The following FAM161B variants were observed in gnomAD, a reference collection of about 807,000 sequenced individuals.
FAM161B encodes the protein FAM161 centrosomal protein B.
A neutral mutation model predicts 61.5 loss-of-function variants in FAM161B; 46 were observed. The observed-to-expected ratio is 0.75, with a 90% confidence interval of 0.59 to 0.96. The LOEUF (loss-of-function observed/expected upper bound fraction) is 0.96. Ranked by LOEUF, FAM161B falls within the 40% of genes least tolerant of loss-of-function variation. The probability of loss-of-function intolerance (pLI) is 0.00; values close to 1 mark genes in which losing one functional copy is unlikely to be tolerated. For missense variants in FAM161B, 774 were observed against 800.7 expected (o/e 0.97, Z 0.40); for synonymous variants, 284 against 302.7 (o/e 0.94, Z 0.64).
chr14:73,931,783 T>G (rs2055920156), downstream of FAM161B: 2 of 520,660 alleles, frequency 3.8e-6, no homozygotes, highest in Non-Finnish European at 7.0e-6. Context: ...TACCTACCTC[T>G]CTTCCCACTG....
intron 8 of FAM161B, among the ~76,000 whole-genome samples, chr14:73,934,603 A>ATT (rs778237371): frequency 1.4e-5 from 2 of 141,334 alleles, no homozygotes. Context: ...CACCCAGCTA[A>ATT]TTTTTTTTTT....
chr14:73,925,313 T>G, the FAM161B span, among the ~76,000 whole-genome samples: 1 of 152,224 alleles, frequency 6.6e-6, no homozygotes, highest in Non-Finnish European at 1.5e-5. Context: ...TTTTTCTATT[T>G]TAAAGCTTTT....
At chr14:73,941,222 A>G (rs779520668) in intron 4 of FAM161B, among the ~76,000 whole-genome samples, 169 bp from the exon 5 acceptor site, 10 of 150,278 alleles carry the variant, frequency 6.7e-5, no homozygotes, top group Admixed American at 1.3e-4. Flanking sequence ...GGTTCAAGCA[A>G]TTCTCCTGCC....
chr14:73,923,578 G>A, the FAM161B span: 1 of 1,557,942 alleles, frequency 6.4e-7, no homozygotes, highest in Non-Finnish European at 8.7e-7. Context: ...GAATGATTGA[G>A]AATTTAGAGG....
chr14:73,947,643 C>T (rs1233976603), intron 1 of FAM161B, among the ~76,000 whole-genome samples: 1 of 152,074 alleles, frequency 6.6e-6, no homozygotes, highest in East Asian at 1.9e-4. Flanking sequence ...CTGTGAAAAC[C>T]ATAAACAACT....
At chr14:73,925,126 TGCCAGGAC>T in the FAM161B span, among the ~76,000 whole-genome samples, 1 of 127,200 alleles carries the variant, frequency 7.9e-6, no homozygotes, top group African/African-American at 2.7e-5. Flanking sequence ...TTAATGCTTT[TGCCAGGAC>T]TTTTCTTTTT....
chr14:73,949,059 C>T (rs12896694), intron 1 of FAM161B, among the ~76,000 whole-genome samples: 2,686 of 152,216 alleles, frequency 0.018, 81 homozygotes, highest in African/African-American at 0.061. Flanking sequence ...GCTAGGACTA[C>T]AGGCGCGCAC....
chr14:73,934,626 T>C (rs2140340971), intron 8 of FAM161B, among the ~76,000 whole-genome samples: 1 of 151,920 alleles, frequency 6.6e-6, no homozygotes, highest in Middle Eastern at 3.4e-3. Flanking sequence ...TTTTAACTTT[T>C]TGTAGAGACA....
downstream of FAM161B, among the ~76,000 whole-genome samples, chr14:73,928,872 C>G (rs1371520594): frequency 1.3e-5 from 2 of 152,054 alleles, no homozygotes; most frequent in Non-Finnish European, 2.9e-5. Flanking sequence ...CAACTTGAGC[C>G]CAGGAGTTCG....
rs565392148 is a variant in FAM161B at position 73,944,452 on chromosome 14, C to T, written c.808G>A (p.Glu270Lys). The T allele has an allele frequency of 8.1e-6, 13 of 1,613,732 alleles. No homozygotes were observed. Among genetic ancestry groups the T allele is most frequent in the South Asian group, 1.1e-5 (1 of 91,080 alleles). The change falls in exon 3 of 9, where the codon GAA (glutamate) becomes AAA (lysine). Residue 270 changes from glutamate to lysine, a missense_variant. By Grantham distance (56) the Glu-to-Lys change is moderately conservative (BLOSUM62 1). Coordinates refer to ENST00000286544, the MANE Select transcript of FAM161B (RefSeq NM_152445.3). ...SFLEKEEQLK[E>K]AARQRDLAAT... ...GCCAAGTCTCTCTGTCGAGCAGCTT[C>T]CTTTAGCTGCTCCTCCTTCTCCAGG... is the stretch of plus-strand genomic sequence containing the variant.
chr14:73,949,390 T>C lies in FAM161B; in HGVS notation c.54+583A>G, dbSNP rs574009268. Among the ~76,000 whole-genome samples the C allele has an allele frequency of 1.1e-4, 16 of 152,102 alleles. No homozygotes were observed. The South Asian group carries it at 3.3e-3, about 32-fold the overall frequency. On this transcript the variant is annotated intron_variant, in intron 1 of 8. Coordinates refer to ENST00000286544, the MANE Select transcript of FAM161B (RefSeq NM_152445.3). ...GTAAGCCACCGCACCCGGCCAATTT[T>C]TGTATTTTTAGTAGAGACGGGGTTT...
At chr14:73,926,463 C>T in the FAM161B span, among the ~76,000 whole-genome samples, 1,691 of 152,026 alleles carry the variant, frequency 0.011, 27 homozygotes, top group African/African-American at 0.039. Context: ...GACTGAGTCT[C>T]ACTCTGTGGC....
chr14:73,950,077 G>T lies in FAM161B; in HGVS notation c.-51C>A. On this transcript the variant is annotated 5_prime_UTR_variant, in exon 1 of 9. Coordinates refer to ENST00000286544, the MANE Select transcript of FAM161B (RefSeq NM_152445.3). ...CAGTGACAGCGATAGTGGCAGCAGC[G>T]GTGGCAGCGAGAGCTATGCGGGGCC... The T allele has an allele frequency of 6.2e-7, 1 of 1,604,922 alleles. No individual in the cohort carries two copies.
At chr14:73,942,841 T>C in intron 3 of FAM161B, 126 bp from the exon 4 acceptor site, 2 of 763,256 alleles carry the variant, frequency 2.6e-6, no homozygotes, top group South Asian at 1.9e-5. Flanking sequence ...TTTTCAGGAA[T>C]TCTGACACGT....
At chr14:73,923,642 C>T in the FAM161B span, 36 of 1,340,690 alleles carry the variant, frequency 2.7e-5, no homozygotes, top group Non-Finnish European at 3.2e-5. Context: ...CGAATATTTT[C>T]CTTTAAATTA....
intron 1 of FAM161B, among the ~76,000 whole-genome samples, chr14:73,948,032 C>T (rs1164897585): frequency 5.9e-5 from 9 of 152,098 alleles, no homozygotes; most frequent in Non-Finnish European, 1.3e-4. Context: ...GGTGATGATC[C>T]TCCCACCTCA....
chr14:73,937,321 T>A (rs2055978094), intron 7 of FAM161B, among the ~76,000 whole-genome samples: 1 of 152,084 alleles, frequency 6.6e-6, no homozygotes, highest in Non-Finnish European at 1.5e-5. Flanking sequence ...GTCTCTGGGG[T>A]CTAATGCCCA....
At position 73,937,934 on chromosome 14, in the gene FAM161B, T is replaced by C. The variant is rs773295579; in HGVS notation, c.1565+14A>G. The C allele has an allele frequency of 5.6e-5, 91 of 1,613,992 alleles. No homozygotes were observed. The highest frequency in any genetic ancestry group is 4.8e-4 in the African/African-American group (36 of 74,924). On this transcript the variant is annotated intron_variant, in intron 6 of 8. Coordinates refer to ENST00000286544, the MANE Select transcript of FAM161B (RefSeq NM_152445.3). ...CAAGGCAAGCACCCCTTTTGACACA[T>C]AGAGGACACTGACCGGTTCTCTTTC...
In FAM161B at chr14:73,950,017, C is replaced by T. The variant is rs1193968205; in HGVS notation, c.10G>A (p.Gly4Arg). Residue 4 changes from glycine to arginine, a missense_variant, in exon 1 of 9, where the codon GGG (glycine) becomes AGG (arginine). By Grantham distance (125) the Gly-to-Arg change is moderately radical. Coordinates refer to ENST00000286544, the MANE Select transcript of FAM161B (RefSeq NM_152445.3). ...CCTCCGGGGGCTCCCTCAGGCCTCCCCACGGTCATTTCAGCTGGACAGAGG... is the reference window on the plus strand; with the variant it reads ...CCTCCGGGGGCTCCCTCAGGCCTCCTCACGGTCATTTCAGCTGGACAGAGG... Reference protein sequence around the residue: MTVGRPEGAPGGAE... With the variant: MTVRRPEGAPGGAE... The T allele has an allele frequency of 6.2e-7, 1 of 1,612,942 alleles. No homozygotes were observed. The highest frequency in any genetic ancestry group is 8.5e-7 in the Non-Finnish European group (1 of 1,180,008).
Sources: gnomAD v4.1 joint callset for allele counts (sites outside exome capture counted in the v4.1 genomes callset) on GRCh38, gnomAD v4.1.1 for gene constraint, MANE v1.5 for transcripts, NCBI Gene and HGNC (gene_info 2026-07-23, HGNC 2026-07-21) for gene names.